The following CPNE8 variants were observed in gnomAD, a reference collection of about 807,000 sequenced individuals.
The protein encoded by CPNE8 is copine-8.
CPNE8 carries 45 observed loss-of-function variants against 81.5 expected under a neutral mutation model. The observed-to-expected ratio is 0.55, with a 90% CI of 0.44 to 0.71. The LOEUF (loss-of-function observed/expected upper bound fraction) is 0.71, where lower values mean the gene tolerates loss of function less well. CPNE8 is among the 30% of genes least tolerant of loss of function. CPNE8 has a pLI of 0.00. For missense variants in CPNE8, 594 were observed against 672.1 expected, an observed-to-expected ratio of 0.88 and a Z score of 1.28; for synonymous variants, 252 against 226.3, an observed-to-expected ratio of 1.11 and a Z score of -1.02.
chr12:38,826,895 T>G (rs936119640), intron 6 of CPNE8, among the ~76,000 whole-genome samples: 1 of 151,400 alleles, frequency 6.6e-6, no homozygotes, highest in African/African-American at 2.4e-5. Flanking sequence ...ATAGGCTGGG[T>G]GCAGTGGCTC....
chr12:38,889,425 C>A (rs1007611212), intron 1 of CPNE8, among the ~76,000 whole-genome samples: 1 of 152,048 alleles, frequency 6.6e-6, no homozygotes, highest in Non-Finnish European at 1.5e-5. Context: ...GTGTGAACAT[C>A]ATGGTTTTCT....
intron 6 of CPNE8, among the ~76,000 whole-genome samples, chr12:38,821,716 C>G (rs899286631): frequency 2.6e-5 from 4 of 152,162 alleles, no homozygotes; most frequent in Admixed American, 2.6e-4. Flanking sequence ...TTAGTTGTCA[C>G]TACTGGAATA....
chr12:38,739,597 A>G (rs1320433367), intron 10 of CPNE8, among the ~76,000 whole-genome samples: 1 of 152,162 alleles, frequency 6.6e-6, no homozygotes, highest in Non-Finnish European at 1.5e-5. Flanking sequence ...TTTGGGTTCT[A>G]CTGACTTTGG....
At chr12:38,782,406 T>C (rs1457699308) in intron 6 of CPNE8, among the ~76,000 whole-genome samples, 2 of 152,154 alleles carry the variant, frequency 1.3e-5, no homozygotes, top group Non-Finnish European at 2.9e-5. Flanking sequence ...ATAGATTAGA[T>C]AATATGTATC....
intron 5 of CPNE8, among the ~76,000 whole-genome samples, chr12:38,831,509 A>G (rs750298279): frequency 2.0e-4 from 31 of 152,196 alleles, no homozygotes; most frequent in Non-Finnish European, 3.5e-4. Context: ...GGTGAAAACC[A>G]TACTTGCACA....
intron 5 of CPNE8, among the ~76,000 whole-genome samples, chr12:38,832,999 A>G (rs953890403): frequency 2.0e-5 from 3 of 152,184 alleles, no homozygotes; most frequent in African/African-American, 7.2e-5. Context: ...TTCTAAAATT[A>G]TACCCTATCC....
At chr12:38,716,619 T>C (rs1437104987) in intron 13 of CPNE8, among the ~76,000 whole-genome samples, 2 of 151,994 alleles carry the variant, frequency 1.3e-5, no homozygotes, top group Non-Finnish European at 2.9e-5. Flanking sequence ...CCTCCATTTC[T>C]CACCTAATAC....
chr12:38,895,330 G>T (rs142399250), intron 1 of CPNE8, among the ~76,000 whole-genome samples: 2 of 152,156 alleles, frequency 1.3e-5, no homozygotes, highest in African/African-American at 4.8e-5. Flanking sequence ...GAAAGCACTG[G>T]ACTGAAATTG....
chr12:38,703,324 C>T (rs1433391373), intron 13 of CPNE8, among the ~76,000 whole-genome samples: 1 of 152,102 alleles, frequency 6.6e-6, no homozygotes, highest in Non-Finnish European at 1.5e-5. Context: ...TAAAGTGTTG[C>T]ATTGCTAAAA....
At chr12:38,671,580 A>G (rs79908749) in intron 18 of CPNE8, among the ~76,000 whole-genome samples, 5,742 of 152,200 alleles carry the variant, frequency 0.038, 175 homozygotes, top group South Asian at 0.14. Flanking sequence ...AGGAATGCTA[A>G]TTTGTGCTTA....
chr12:38,823,804 C>A (rs1943146378), intron 6 of CPNE8, among the ~76,000 whole-genome samples: 1 of 152,102 alleles, frequency 6.6e-6, no homozygotes, highest in South Asian at 2.1e-4. Context: ...TTGCCGAATC[C>A]ATCACTGAGA....
intron 14 of CPNE8, 141 bp downstream of exon 14, chr12:38,702,734 G>T: frequency 4.3e-6 from 2 of 466,910 alleles, no homozygotes. Context: ...ACATTAAAAA[G>T]AAAGAAAAAA....
intron 10 of CPNE8, among the ~76,000 whole-genome samples, chr12:38,731,898 T>C (rs991558127): frequency 1.3e-5 from 2 of 151,900 alleles, no homozygotes; most frequent in Admixed American, 1.3e-4. Flanking sequence ...TCATGATTTA[T>C]TTCACTGCAC....
chr12:38,835,735 A>G (rs11837377), intron 5 of CPNE8, among the ~76,000 whole-genome samples: 29,012 of 152,134 alleles, frequency 0.19, 4,931 homozygotes, highest in African/African-American at 0.46. Context: ...ATATTCAAAT[A>G]AAATTTTTAA....
Position 38,681,383 on chromosome 12 carries a change from C to T in CPNE8, c.1272-3829G>A, listed in dbSNP as rs182210640. 4.6e-4 allele frequency among the ~76,000 whole-genome samples: 70 copies of T among 152,146 alleles called. 1 individual carries two copies. Among genetic ancestry groups the T allele is most frequent in the African/African-American group, 1.6e-3 (67 of 41,536 alleles). On this transcript the variant is annotated intron_variant, in intron 16 of 19. Coordinates refer to ENST00000331366, the MANE Select transcript of CPNE8 (RefSeq NM_153634.3). ...TCTATTGTGATTAATAAGATTTAAA[C>T]ATAGTATTTTAGACATTCAACATAG...
chr12:38,686,279 A>T (rs1489402395), intron 15 of CPNE8, among the ~76,000 whole-genome samples: 1 of 152,194 alleles, frequency 6.6e-6, no homozygotes, highest in Non-Finnish European at 1.5e-5. Flanking sequence ...AGGAATAAAA[A>T]AAAAATCCAG....
intron 13 of CPNE8, among the ~76,000 whole-genome samples, chr12:38,704,826 G>GTGTATA (rs1249607170): frequency 2.0e-5 from 1 of 50,200 alleles, no homozygotes; most frequent in African/African-American, 4.6e-5. Context: ...GTATGTATGT[G>GTGTATA]TATATATATA....
intron 1 of CPNE8, among the ~76,000 whole-genome samples, chr12:38,903,660 A>G (rs1194880269): frequency 1.3e-5 from 2 of 152,206 alleles, no homozygotes; most frequent in Non-Finnish European, 2.9e-5. Flanking sequence ...CAGACTGTTG[A>G]GCAGAGGATA....
At chr12:38,796,653 G>C (rs909078579) in intron 6 of CPNE8, among the ~76,000 whole-genome samples, 17 of 152,238 alleles carry the variant, frequency 1.1e-4, no homozygotes, top group Non-Finnish European at 2.4e-4. Flanking sequence ...TTCCATCTGA[G>C]GTACCAGGTT....
Sources: gnomAD v4.1 joint callset for allele counts (sites outside exome capture counted in the v4.1 genomes callset) on GRCh38, gnomAD v4.1.1 for gene constraint, MANE v1.5 for transcripts, NCBI Gene and HGNC (gene_info 2026-07-23, HGNC 2026-07-21) for gene names.